The following APH1B variants were observed in gnomAD, a reference collection of about 807,000 sequenced individuals.
APH1B encodes gamma-secretase subunit APH-1B.
APH1B carries 27 observed loss-of-function variants against 28.2 expected under a neutral mutation model. The ratio of observed to expected loss-of-function variants is 0.96; its 90% CI spans 0.70 to 1.32. APH1B has a LOEUF of 1.32. APH1B is among the 40% of genes most tolerant of loss of function. APH1B has a pLI of 0.00. For synonymous variants in APH1B, 141 were observed against 124.6 expected (o/e 1.13, Z -0.88); for missense variants, 305 against 313.6 (o/e 0.97, Z 0.21).
At chr15:63,287,636 G>A in intron 4 of APH1B, 90 bp downstream of exon 4, 4 of 1,475,034 alleles carry the variant, frequency 2.7e-6, no homozygotes, top group South Asian at 1.4e-5. Flanking sequence ...TCAGTGGATT[G>A]GAATTTATGT....
intron 4 of APH1B, among the ~76,000 whole-genome samples, chr15:63,289,782 C>A (rs1361611593): frequency 2.0e-5 from 3 of 152,192 alleles, no homozygotes; most frequent in Non-Finnish European, 2.9e-5. Flanking sequence ...GCAGGAGAAT[C>A]ACTTGAGCTC....
At chr15:63,281,543 A>AG (rs1207504060) in intron 2 of APH1B, among the ~76,000 whole-genome samples, 1 of 150,422 alleles carries the variant, frequency 6.6e-6, no homozygotes, top group African/African-American at 2.4e-5. Context: ...TGAAAAAAAA[A>AG]AAAAAAAACA....
intron 5 of APH1B, among the ~76,000 whole-genome samples, chr15:63,303,645 G>A (rs376157440): frequency 1.3e-5 from 2 of 152,070 alleles, no homozygotes; most frequent in East Asian, 1.9e-4. Context: ...ATGGGCATGC[G>A]CCGTCATGCC....
At chr15:63,281,115 G>T (rs532664450) in intron 2 of APH1B, among the ~76,000 whole-genome samples, 1 of 151,732 alleles carries the variant, frequency 6.6e-6, no homozygotes, top group Non-Finnish European at 1.5e-5. Flanking sequence ...CATTCTGGGA[G>T]ACAGAGCCAG....
chr15:63,294,215 A>G (rs913378202), intron 4 of APH1B, among the ~76,000 whole-genome samples: 1 of 152,002 alleles, frequency 6.6e-6, no homozygotes, highest in African/African-American at 2.4e-5. Flanking sequence ...ATCATCCAGT[A>G]TGGTATCACT....
rs771579514 is a variant in APH1B, at chr15:63,286,629, G to A, written c.355+1G>A. On this transcript the variant is annotated splice_donor_variant, in intron 3 of 5. Transcript: ENST00000261879. LOFTEE classifies it high-confidence loss of function. ...CCCTCTATGCGACTGCTGGCCTATG[G>A]TAAGTTAGAACCACATGGTTTCATT... 6 of 1,603,500 alleles carry A rather than the reference G, an allele frequency of 3.7e-6. No homozygotes were observed. In the South Asian group the frequency reaches 6.8e-5, roughly 18 times the overall value.
intron 4 of APH1B, among the ~76,000 whole-genome samples, chr15:63,288,499 T>C (rs1432711256): frequency 2.0e-5 from 3 of 152,230 alleles, no homozygotes; most frequent in Non-Finnish European, 2.9e-5. Flanking sequence ...CCTCTCTGGC[T>C]TACCATCATC....
Position 63,279,156 on chromosome 15 carries a change from T to G in APH1B, c.114-5T>G, listed in dbSNP as rs772736486. On this transcript the variant is annotated splice_region_variant and splice_polypyrimidine_tract_variant and intron_variant, in intron 1 of 5. Coordinates refer to ENST00000261879, the MANE Select transcript of APH1B (RefSeq NM_031301.4). ...ACTTGTAACTTTTTTTCCCGTATTT[T>G]TCAGAGCTTTCTTCTGGTTGGTGTC... The G allele has an allele frequency of 1.1e-5, 17 of 1,584,912 alleles. No individual in the cohort carries two copies. In the East Asian group the frequency reaches 3.4e-4, roughly 32 times the overall value.
intron 4 of APH1B, among the ~76,000 whole-genome samples, chr15:63,299,803 C>T (rs1032496200): frequency 5.3e-5 from 8 of 151,832 alleles, no homozygotes; most frequent in Admixed American, 2.0e-4. Flanking sequence ...CAGTATTGGT[C>T]GCAAAGAAAG....
chr15:63,281,561 A>C (rs200760331), intron 2 of APH1B, among the ~76,000 whole-genome samples: 33 of 151,938 alleles, frequency 2.2e-4, no homozygotes, highest in African/African-American at 6.0e-4. Flanking sequence ...ACAAAAAAAA[A>C]CACAATTTCT....
intron 2 of APH1B, among the ~76,000 whole-genome samples, chr15:63,280,078 C>T (rs561858774): frequency 6.6e-6 from 1 of 152,244 alleles, no homozygotes; most frequent in African/African-American, 2.4e-5. Flanking sequence ...GATTACAGGC[C>T]TGAGCCACCA....
chr15:63,279,139 C>CT (rs748089430), intron 1 of APH1B, 22 bp from the exon 2 acceptor site: 2 of 1,557,640 alleles, frequency 1.3e-6, no homozygotes, highest in South Asian at 1.2e-5. Context: ...TCACTTGTAA[C>CT]TTTTTTTCCC....
rs2038702873 is a variant in APH1B at position 63,307,850 on chromosome 15, CAG to C, written c.*2071_*2072del. On this transcript the variant is annotated 3_prime_UTR_variant, in exon 6 of 6. Transcript: ENST00000261879. ...TTGTAAAATCTCATTTATAAAAACT[CAG>C]ATGAGAAGAAAATTTTCTTTGATGG... The C allele has an allele frequency of 6.6e-6, 1 of 152,156 alleles. No individual in the cohort carries two copies. Among genetic ancestry groups the C allele is most frequent in the Non-Finnish European group, 1.5e-5 (1 of 68,030 alleles). 9.4% of individuals were successfully genotyped at this position (152,156 alleles called of 1,614,324 possible).
intron 4 of APH1B, among the ~76,000 whole-genome samples, chr15:63,301,007 G>T (rs192151563): frequency 6.6e-6 from 1 of 152,174 alleles, no homozygotes; most frequent in African/African-American, 2.4e-5. Flanking sequence ...AGATGTGTAC[G>T]TTTCTCTAGA....
At chr15:63,290,792 G>A (rs535639258) in intron 4 of APH1B, among the ~76,000 whole-genome samples, 81 of 152,242 alleles carry the variant, frequency 5.3e-4, no homozygotes, top group Non-Finnish European at 1.0e-3. Context: ...CTCTGTCCTC[G>A]GCATCTTGTG....
In APH1B at chr15:63,279,365, C is replaced by T. The variant is rs1464269382; in HGVS notation, c.284+34C>T. The T allele has an allele frequency of 5.8e-6, 9 of 1,556,882 alleles. No homozygotes were observed. The African/African-American group carries it at 9.5e-5, about 16-fold the overall frequency. On this transcript the variant is annotated intron_variant, in intron 2 of 5. Coordinates refer to ENST00000261879, the MANE Select transcript of APH1B (RefSeq NM_031301.4). ...AATACCTGCCTTACCTTTTTTTTCC[C>T]CAGTTAGATTTTAGTTATGATTTGG...
At chr15:63,278,037 C>T in intron 1 of APH1B, 1 of 428,196 alleles carries the variant, frequency 2.3e-6, no homozygotes, top group Non-Finnish European at 4.3e-6. Context: ...CCTTCATTTT[C>T]TGGAGGGGGA....
rs555434966 is a variant in APH1B at position 63,287,672 on chromosome 15, T to C, written c.478+126T>C. 5.7e-6 allele frequency: 7 copies of C among 1,218,956 alleles called. No individual in the cohort carries two copies. In the South Asian group the frequency reaches 1.3e-4, roughly 22 times the overall value. 75.5% of individuals were successfully genotyped at this position (1,218,956 alleles called of 1,614,324 possible). On this transcript the variant is annotated intron_variant, in intron 4 of 5. Coordinates refer to ENST00000261879, the MANE Select transcript of APH1B (RefSeq NM_031301.4). ...TATGTCTTTTAAAGGCGAAATACTC[T>C]GAGGCACTGTGAAGTAAAAGACTTA...
In APH1B at chr15:63,277,607, C is replaced by G. The variant is rs372131973; in HGVS notation, c.-17C>G. On this transcript the variant is annotated 5_prime_UTR_variant, in exon 1 of 6. Transcript: ENST00000261879. ...TCGCGTCCCCAACGGGCCCCCGGGT[C>G]GGTTTCCGCGGTGGCCATGACTGCG... 6 of 1,385,672 alleles carry G rather than the reference C, an allele frequency of 4.3e-6. No homozygotes were observed. In the South Asian group the frequency reaches 6.3e-5, roughly 15 times the overall value. 85.8% of individuals were successfully genotyped at this position (1,385,672 alleles called of 1,614,324 possible).
Sources: allele counts gnomAD v4.1 joint callset (sites outside exome capture counted in the v4.1 genomes callset), GRCh38; gene constraint gnomAD v4.1.1; transcripts MANE v1.5; gene names NCBI Gene and HGNC (gene_info 2026-07-23, HGNC 2026-07-21).